The following RFX3 variants were observed in gnomAD, a reference collection of about 807,000 sequenced individuals.
RFX3 encodes the protein transcription factor RFX3.
RFX3 carries 14 observed loss-of-function variants against 98.6 expected under a neutral mutation model. The ratio of observed to expected loss-of-function variants is 0.14; its 90% CI spans 0.09 to 0.22. The LOEUF (loss-of-function observed/expected upper bound fraction) is 0.22. RFX3 is among the 10% of genes least tolerant of loss of function. The pLI, the probability that RFX3 is intolerant of heterozygous loss-of-function variation, is 1.00. For synonymous variants in RFX3, 383 were observed against 328.4 expected (o/e 1.17, Z -1.80); for missense variants, 639 against 926.9 (o/e 0.69, Z 4.03).
chr9:3,363,587 C>G, intron 2 of RFX3, among the ~76,000 whole-genome samples: 1 of 152,214 alleles, frequency 6.6e-6, no homozygotes, highest in Admixed American at 6.5e-5. Context: ...CCAGTGCTAA[C>G]ACTATTATTA....
intron 1 of RFX3, among the ~76,000 whole-genome samples, chr9:3,404,375 G>A (rs1273820723): frequency 6.6e-6 from 1 of 151,892 alleles, no homozygotes; most frequent in East Asian, 1.9e-4. Context: ...CTGTAAATTC[G>A]GATACTTAAC....
intron 1 of RFX3, among the ~76,000 whole-genome samples, chr9:3,504,939 TATATA>T (rs1387221956): frequency 1.4e-4 from 10 of 73,536 alleles, no homozygotes; most frequent in Non-Finnish European, 2.0e-4. Context: ...ATATATAATA[TATATA>T]ATATAATATA....
intron 1 of RFX3, among the ~76,000 whole-genome samples, chr9:3,419,692 T>C (rs1000996079): frequency 8.5e-5 from 13 of 152,228 alleles, no homozygotes; most frequent in Non-Finnish European, 1.8e-4. Context: ...GATACAAAGA[T>C]CCATGGATGC....
chr9:3,502,781 T>C (rs981865409), intron 1 of RFX3, among the ~76,000 whole-genome samples: 4 of 152,174 alleles, frequency 2.6e-5, no homozygotes, highest in African/African-American at 9.7e-5. Flanking sequence ...ATGTGAATGT[T>C]AGCCCTGAGT....
intron 2 of RFX3, among the ~76,000 whole-genome samples, chr9:3,387,868 C>T (rs941269784): frequency 6.6e-6 from 1 of 152,040 alleles, no homozygotes; most frequent in African/African-American, 2.4e-5. Flanking sequence ...CTAGGATTCA[C>T]AGAAAGCAAA....
chr9:3,311,548 G>A (rs147175514), intron 4 of RFX3, among the ~76,000 whole-genome samples: 1 of 152,254 alleles, frequency 6.6e-6, no homozygotes, highest in South Asian at 2.1e-4. Context: ...TCAAAATGTG[G>A]TCCTGAACCA....
intron 4 of RFX3, among the ~76,000 whole-genome samples, chr9:3,325,533 T>A (rs1831810900): frequency 6.6e-6 from 1 of 152,078 alleles, no homozygotes; most frequent in South Asian, 2.1e-4. Flanking sequence ...CATAAAGGTG[T>A]AAAAATTAAC....
Position 3,225,094 on chromosome 9 carries a change from G to C in RFX3, c.2198C>G (p.Thr733Ser). Residue 733 changes from threonine to serine, a missense_variant, in exon 17 of 17, where the codon ACT becomes AGT. Thr to Ser is a moderately conservative substitution (Grantham distance 58). This residue lies in a region of RFX3 where 129 missense variants were observed against 124.6 expected (regional missense o/e 1.04). Coordinates refer to ENST00000617270, the MANE Select transcript of RFX3 (RefSeq NM_001282116.2). The part of the protein sequence containing the change: ...PIHSEHIVTS[T>S]QTIRQCSATG... Reference sequence around the variant, plus strand: ...AGCGCTGCACTGTCTGATAGTCTGAGTACTTGTGACAATGTGCTCGCTGTG... The same window carrying C: ...AGCGCTGCACTGTCTGATAGTCTGACTACTTGTGACAATGTGCTCGCTGTG... The C allele has an allele frequency of 6.2e-7, 1 of 1,613,964 alleles. No individual in the cohort carries two copies. Among genetic ancestry groups the C allele is most frequent in the South Asian group, 1.1e-5 (1 of 91,080 alleles).
At chr9:3,240,545 G>A (rs1307956085) in intron 15 of RFX3, among the ~76,000 whole-genome samples, 1 of 152,106 alleles carries the variant, frequency 6.6e-6, no homozygotes, top group Non-Finnish European at 1.5e-5. Flanking sequence ...TTTGTACTAA[G>A]AAAACCTTCA....
intron 1 of RFX3, among the ~76,000 whole-genome samples, chr9:3,524,897 C>T (rs1450950332): frequency 6.8e-6 from 1 of 147,250 alleles, no homozygotes; most frequent in Non-Finnish European, 1.5e-5. Context: ...AGAGAGGAGA[C>T]AGACTTTAAA....
chr9:3,501,076 G>T (rs989612169), intron 1 of RFX3, among the ~76,000 whole-genome samples: 3 of 152,084 alleles, frequency 2.0e-5, no homozygotes, highest in Non-Finnish European at 4.4e-5. Context: ...ATTAAGTGTG[G>T]CATTCGTAAA....
At position 3,330,461 on chromosome 9, in the gene RFX3, C is replaced by T; in HGVS notation, c.272G>A (p.Gly91Glu). 2.5e-6 allele frequency: 4 copies of T among 1,613,962 alleles called. No individual in the cohort carries two copies. Among genetic ancestry groups the T allele is most frequent in the African/African-American group, 1.3e-5 (1 of 74,994 alleles). The change falls in exon 4 of 17, where the codon GGG becomes GAG. Residue 91 changes from glycine to glutamate, a missense_variant. Transcript: ENST00000617270. ...ETQMYSQNTG[G>E]NYFDTQGSSA... ...ACTCCCTTGAGTATCAAAGTAATTC[C>T]CTCCAGTATTTTGGCTGTACATCTG...
At position 3,469,321 on chromosome 9, in the gene RFX3, T is replaced by C. The variant is rs906326940; in HGVS notation, c.-9+56426A>G. 5 of 308,694 alleles carry C rather than the reference T, an allele frequency of 1.6e-5. No homozygotes were observed. In the Middle Eastern group the frequency reaches 2.9e-3, roughly 181 times the overall value. 19.1% of individuals were successfully genotyped at this position (308,694 alleles called of 1,614,324 possible). ...CTTTACCTACCAATCTTCTATTTTCTAGTCTAGTACCATTAGAATCTAGAA... is the reference window on the plus strand; with the variant it reads ...CTTTACCTACCAATCTTCTATTTTCCAGTCTAGTACCATTAGAATCTAGAA... On this transcript the variant is annotated intron_variant, in intron 1 of 16. Transcript: ENST00000617270.
chr9:3,322,525 A>T (rs532654447), intron 4 of RFX3, among the ~76,000 whole-genome samples: 5 of 152,242 alleles, frequency 3.3e-5, no homozygotes, highest in South Asian at 2.1e-4. Flanking sequence ...TGAGGTCAGG[A>T]GTTCAAGACC....
At chr9:3,248,231 G>T in intron 14 of RFX3, 46 bp from the exon 15 acceptor site, 1 of 1,533,486 alleles carries the variant, frequency 6.5e-7, no homozygotes, top group South Asian at 1.3e-5. Context: ...TTAGTGACAA[G>T]AATTAGCATT....
intron 3 of RFX3, among the ~76,000 whole-genome samples, chr9:3,345,441 G>A (rs1462157402): frequency 6.6e-6 from 1 of 152,158 alleles, no homozygotes; most frequent in Non-Finnish European, 1.5e-5. Flanking sequence ...GGTAGTGTTA[G>A]GCAGTAGTGA....
At chr9:3,227,633 G>C (rs1164253540) in intron 16 of RFX3, among the ~76,000 whole-genome samples, 2 of 152,084 alleles carry the variant, frequency 1.3e-5, no homozygotes, top group Admixed American at 1.3e-4. Context: ...GGACACCCTG[G>C]GATGAAATCC....
intron 1 of RFX3, among the ~76,000 whole-genome samples, chr9:3,443,790 C>T (rs1845806709): frequency 6.6e-6 from 1 of 152,166 alleles, no homozygotes; most frequent in African/African-American, 2.4e-5. Context: ...CATGGTCTTC[C>T]ACAATGGTTG....
At chr9:3,445,366 T>G (rs561057092) in intron 1 of RFX3, among the ~76,000 whole-genome samples, 68 of 152,246 alleles carry the variant, frequency 4.5e-4, no homozygotes, top group African/African-American at 1.4e-3. Flanking sequence ...GCCTAGAAAT[T>G]TAAGCAAAAC....
Sources: allele counts gnomAD v4.1 joint callset (sites outside exome capture counted in the v4.1 genomes callset), GRCh38; gene constraint gnomAD v4.1.1; regional missense constraint gnomAD v4.1.1; transcripts MANE v1.5; gene names NCBI Gene and HGNC (gene_info 2026-07-23, HGNC 2026-07-21).